MYO18A: variants seen among roughly 807,000 people sequenced by gnomAD.
The protein encoded by MYO18A is unconventional myosin-XVIIIa.
A neutral mutation model predicts 235.8 loss-of-function variants in MYO18A; 78 were observed. That is an observed-to-expected ratio of 0.33 (90% CI 0.28 to 0.40). The LOEUF is 0.40. MYO18A is among the 10% of genes least tolerant of loss of function. The pLI is 1.00. For synonymous variants in MYO18A, 977 were observed against 1,077.8 expected, an observed-to-expected ratio of 0.91 and a Z score of 1.83; for missense variants, 2,215 against 2,699.3, an observed-to-expected ratio of 0.82 and a Z score of 3.98.
intron 2 of MYO18A, among the ~76,000 whole-genome samples, chr17:29,127,596 C>T (rs2067353084): frequency 6.6e-6 from 1 of 152,256 alleles, no homozygotes; most frequent in South Asian, 2.1e-4. Flanking sequence ...CAGGCCCTGA[C>T]TCCCTATGGC....
chr17:29,123,372 G>C (rs915074294), intron 2 of MYO18A, among the ~76,000 whole-genome samples: 1 of 152,242 alleles, frequency 6.6e-6, no homozygotes, highest in African/African-American at 2.4e-5. Context: ...GAGGGCCCCA[G>C]CTGTGAGGCA....
intron 41 of MYO18A, chr17:29,080,409 C>T (rs2066090297): frequency 3.0e-6 from 3 of 985,956 alleles, no homozygotes; most frequent in South Asian, 9.4e-5. Flanking sequence ...GGCTGTACTG[C>T]GAGCAGGCCT....
At chr17:29,104,278 A>C (rs2066726708) in intron 20 of MYO18A, among the ~76,000 whole-genome samples, 1 of 152,194 alleles carries the variant, frequency 6.6e-6, no homozygotes, top group African/African-American at 2.4e-5. Flanking sequence ...ATCCACAGGA[A>C]GGGAGGCTAG....
At chr17:29,136,400 T>C (rs940278443) in intron 2 of MYO18A, among the ~76,000 whole-genome samples, 7 of 151,546 alleles carry the variant, frequency 4.6e-5, no homozygotes, top group African/African-American at 1.7e-4. Flanking sequence ...GGTGGCAGCA[T>C]ATGTGTTGGG....
chr17:29,149,997 A>C (rs1375296412), intron 2 of MYO18A, among the ~76,000 whole-genome samples: 1 of 152,104 alleles, frequency 6.6e-6, no homozygotes, highest in Non-Finnish European at 1.5e-5. Flanking sequence ...TCCACAGAAG[A>C]AAAAAAAGGA....
At position 29,074,025 on chromosome 17, in the gene MYO18A, G is replaced by A. The variant is rs1377355773; in HGVS notation, c.*745C>T. On this transcript the variant is annotated 3_prime_UTR_variant, in exon 42 of 42. Coordinates refer to ENST00000527372, the MANE Select transcript of MYO18A (RefSeq NM_078471.4). The surrounding 1 kb of genome is among the most constrained non-coding windows in gnomAD (Gnocchi z 4.4). ...AAAGAGGGTGGGGTGGGGGCTGGAG[G>A]TGCGGATGGTCCACACACACACTTG... 1.2e-6 allele frequency: 2 copies of A among 1,613,972 alleles called. No homozygotes were observed. The highest frequency in any genetic ancestry group is 1.1e-5 in the South Asian group (1 of 91,090).
At chr17:29,177,778 G>C (rs895750070) in intron 1 of MYO18A, among the ~76,000 whole-genome samples, 2 of 152,030 alleles carry the variant, frequency 1.3e-5, no homozygotes, top group African/African-American at 4.8e-5. Flanking sequence ...CCACACTCAG[G>C]CCTGGGACCC....
chr17:29,121,478 G>A lies in MYO18A; in HGVS notation c.1371+69C>T. ...ACAGGAGCCCAGTGGGGTGCCACAGGGGAAGGGCAGAGAGCCAGGGCAGGG... is the reference window on the plus strand; with the variant it reads ...ACAGGAGCCCAGTGGGGTGCCACAGAGGAAGGGCAGAGAGCCAGGGCAGGG... On this transcript the variant is annotated intron_variant, in intron 5 of 41. Coordinates refer to ENST00000527372, the MANE Select transcript of MYO18A (RefSeq NM_078471.4). The surrounding 1 kb of genome is among the most constrained non-coding windows in gnomAD (Gnocchi z 4.2). 1 of 1,469,894 alleles carries A rather than the reference G, an allele frequency of 6.8e-7. No individual in the cohort carries two copies. The highest frequency in any genetic ancestry group is 9.1e-7 in the Non-Finnish European group (1 of 1,097,404). The allele number at this position is 1,469,894 out of a possible 1,614,324, so 91.1% of individuals were successfully genotyped here. A position where few individuals can be genotyped will look rare whatever the true frequency, so the allele number is the denominator to read the frequency against.
chr17:29,073,811 C>T lies in MYO18A; in HGVS notation c.*959G>A, dbSNP rs200573372. ...GTGAGGACTCATGTCTAATGAGCAC[C>T]GGCCAAAACTTCCATCTTCAGTTTT... is the stretch of plus-strand genomic sequence containing the variant. On this transcript the variant is annotated 3_prime_UTR_variant, in exon 42 of 42. Coordinates refer to ENST00000527372, the MANE Select transcript of MYO18A (RefSeq NM_078471.4). The T allele has an allele frequency of 4.4e-5, 68 of 1,546,946 alleles. No individual in the cohort carries two copies. The highest frequency in any genetic ancestry group is 3.8e-4 in the Admixed American group (21 of 55,984).
intron 2 of MYO18A, among the ~76,000 whole-genome samples, chr17:29,128,841 G>A (rs2067390226): frequency 6.6e-6 from 1 of 152,206 alleles, no homozygotes; most frequent in Admixed American, 6.5e-5. Flanking sequence ...TGCCGGCACA[G>A]AGCGCCGAGA....
rs1203214036 is a variant in MYO18A at position 29,098,096 on chromosome 17, T to C, written c.3990+9A>G. 6.2e-7 allele frequency: 1 copy of C among 1,612,212 alleles called. No homozygotes were observed. The highest frequency in any genetic ancestry group is 8.5e-7 in the Non-Finnish European group (1 of 1,179,856). On this transcript the variant is annotated intron_variant, in intron 25 of 41. Coordinates refer to ENST00000527372, the MANE Select transcript of MYO18A (RefSeq NM_078471.4). ...CAGCCTGCTGTTCTCACCCAGGCCCTGCCCTCACCTGCAGTTCCTTCATCT... is the reference window on the plus strand; with the variant it reads ...CAGCCTGCTGTTCTCACCCAGGCCCCGCCCTCACCTGCAGTTCCTTCATCT...
intron 2 of MYO18A, among the ~76,000 whole-genome samples, chr17:29,123,977 G>GGGTTCA (rs2067259457): frequency 6.6e-6 from 1 of 151,994 alleles, no homozygotes; most frequent in African/African-American, 2.4e-5. Context: ...GAACCCAGGA[G>GGGTTCA]GTGGAGCTTG....
intron 15 of MYO18A, among the ~76,000 whole-genome samples, chr17:29,113,780 C>T (rs894069573): frequency 2.0e-5 from 3 of 152,178 alleles, no homozygotes; most frequent in Non-Finnish European, 4.4e-5. Context: ...CTGTGGCTCC[C>T]CAGGGCACCA....
chr17:29,168,327 C>G (rs561782434), intron 1 of MYO18A, among the ~76,000 whole-genome samples: 1 of 152,296 alleles, frequency 6.6e-6, no homozygotes, highest in South Asian at 2.1e-4. Context: ...ACCCACCAAC[C>G]TACCCAACCC....
intron 41 of MYO18A, among the ~76,000 whole-genome samples, chr17:29,081,647 G>A (rs1224768569): frequency 6.6e-6 from 1 of 151,906 alleles, no homozygotes; most frequent in Non-Finnish European, 1.5e-5. Flanking sequence ...GGGGGTGAGG[G>A]GGGAGCGAGG....
intron 40 of MYO18A, among the ~76,000 whole-genome samples, chr17:29,084,617 A>C (rs1006288705): frequency 6.6e-6 from 1 of 152,210 alleles, no homozygotes; most frequent in African/African-American, 2.4e-5. Flanking sequence ...AAACGGAGAC[A>C]GAACGGCGGG....
chr17:29,171,757 G>A (rs959890273), intron 1 of MYO18A, among the ~76,000 whole-genome samples: 3 of 152,042 alleles, frequency 2.0e-5, no homozygotes, highest in Non-Finnish European at 4.4e-5. Flanking sequence ...TTATCTGGAT[G>A]TGGTGGTGCA....
chr17:29,102,351 C>T (rs568272205), intron 21 of MYO18A, among the ~76,000 whole-genome samples: 34 of 152,240 alleles, frequency 2.2e-4, no homozygotes, highest in East Asian at 3.9e-4. Flanking sequence ...GGAATCCTGG[C>T]GGGAAAGACC....
chr17:29,123,218 C>T (rs549832583), intron 2 of MYO18A, among the ~76,000 whole-genome samples: 1 of 152,322 alleles, frequency 6.6e-6, no homozygotes, highest in Non-Finnish European at 1.5e-5. Context: ...GCTGGGGAAA[C>T]AGACGAGGGA....
Sources: gnomAD v4.1 joint callset for allele counts (sites outside exome capture counted in the v4.1 genomes callset) on GRCh38, gnomAD v4.1.1 for gene constraint, Gnocchi (gnomAD v3.1) non-coding constraint, MANE v1.5 for transcripts, NCBI Gene and HGNC (gene_info 2026-07-23, HGNC 2026-07-21) for gene names.